KIDINS220: variants seen among roughly 807,000 people sequenced by gnomAD.
KIDINS220 encodes kinase D-interacting substrate of 220 kDa.
KIDINS220 carries 63 observed loss-of-function variants against 157.6 expected under a neutral mutation model. The ratio of observed to expected loss-of-function variants is 0.40; its 90% CI spans 0.33 to 0.49. The LOEUF is 0.49. Ranked by LOEUF, KIDINS220 falls within the 20% of genes least tolerant of loss-of-function variation. KIDINS220 has a pLI of 0.66. For synonymous variants in KIDINS220, 732 were observed against 783.6 expected (o/e 0.93, Z 1.10); for missense variants, 1,772 against 2,171.2 (o/e 0.82, Z 3.65).
chr2:8,730,614 T>C lies in KIDINS220; in HGVS notation c.*106A>G, dbSNP rs1031874658. On this transcript the variant is annotated 3_prime_UTR_variant, in exon 30 of 30. Transcript: ENST00000256707. ...TACCTCGGCCTCATCATCGGTTAGTTATCTGTCAGCAAAATGTAGAAAGGT... is the reference window on the plus strand; with the variant it reads ...TACCTCGGCCTCATCATCGGTTAGTCATCTGTCAGCAAAATGTAGAAAGGT... 1.4e-6 allele frequency: 2 copies of C among 1,466,238 alleles called. No homozygotes were observed. The highest frequency in any genetic ancestry group is 2.7e-5 in the Admixed American group (1 of 37,664). 90.8% of individuals were successfully genotyped at this position (1,466,238 alleles called of 1,614,324 possible). A position where few individuals can be genotyped will look rare whatever the true frequency, so the allele number is the denominator to read the frequency against.
chr2:8,785,829 A>G lies in KIDINS220; in HGVS notation c.2141T>C (p.Val714Ala). Residue 714 changes from valine (V) to alanine (A), a missense_variant, in exon 17 of 30, where the codon GTG becomes GCG. Physicochemically the swap from Val to Ala is moderately conservative, Grantham distance 64. Around this residue, in one of 3 missense-constraint regions of KIDINS220, gnomAD observed 725 missense variants for 1,017.1 expected, o/e 0.71. Transcript: ENST00000256707. ...FVLNCRTWWQ[V>A]LDSLLNSQRK... is the part of the protein sequence containing the mutation. The stretch of plus-strand genomic sequence containing the variant: ...TTGGGAATTCAGGAGCGAGTCCAGC[A>G]CTTGCCACCATGTACGACAGTTCAA... 1 of 1,614,170 alleles carries G rather than the reference A, an allele frequency of 6.2e-7. No homozygotes were observed. Among genetic ancestry groups the G allele is most frequent in the Admixed American group, 1.7e-5 (1 of 60,024 alleles).
At chr2:8,796,572 A>C (rs771713768) in intron 11 of KIDINS220, among the ~76,000 whole-genome samples, 199 bp downstream of exon 11, 7 of 152,142 alleles carry the variant, frequency 4.6e-5, no homozygotes, top group Non-Finnish European at 8.8e-5. Flanking sequence ...GAAAGTCGGA[A>C]GCAGCTGCGT....
At position 8,776,845 on chromosome 2, in the gene KIDINS220, C is replaced by T. The variant is rs201276457; in HGVS notation, c.2751G>A (p.Met917Ile). 78 of 1,614,106 alleles carry T rather than the reference C, an allele frequency of 4.8e-5. No individual in the cohort carries two copies. Among genetic ancestry groups the T allele is most frequent in the Middle Eastern group, 1.6e-4 (1 of 6,062 alleles). ...RQMQRTITRQ[M>I]SFDLTKLLVT... ...CCAGCAGTTTTGTAAGATCAAAGGACATCTGGCGAGTGATGGTCCTCTGCA... is the reference window on the plus strand; with the variant it reads ...CCAGCAGTTTTGTAAGATCAAAGGATATCTGGCGAGTGATGGTCCTCTGCA... The change falls in exon 21 of 30, where the codon ATG becomes ATA. Residue 917 changes from methionine to isoleucine, a missense_variant. Physicochemically the swap from Met to Ile is conservative, Grantham distance 10. Around this residue, in one of 3 missense-constraint regions of KIDINS220, gnomAD observed 725 missense variants for 1,017.1 expected, o/e 0.71. Coordinates refer to ENST00000256707, the MANE Select transcript of KIDINS220 (RefSeq NM_020738.4).
chr2:8,771,365 A>G (rs1238382933), intron 21 of KIDINS220, among the ~76,000 whole-genome samples: 4 of 152,174 alleles, frequency 2.6e-5, no homozygotes, highest in Non-Finnish European at 5.9e-5. Flanking sequence ...AATGTTTCTA[A>G]TATTTATTAT....
chr2:8,831,861 A>G (rs1357577026), intron 1 of KIDINS220, among the ~76,000 whole-genome samples: 2 of 152,276 alleles, frequency 1.3e-5, no homozygotes, highest in Non-Finnish European at 2.9e-5. Flanking sequence ...CAGGATATGA[A>G]GACAAAAATA....
At chr2:8,727,463 T>C (rs752279734), downstream of KIDINS220, among the ~76,000 whole-genome samples, 9 of 152,232 alleles carry the variant, frequency 5.9e-5, no homozygotes, top group Admixed American at 1.3e-4. Flanking sequence ...AATTCAGAGA[T>C]TCCTGGATTT....
intron 22 of KIDINS220, among the ~76,000 whole-genome samples, chr2:8,767,733 A>C (rs1189952904): frequency 6.6e-6 from 1 of 152,230 alleles, no homozygotes; most frequent in African/African-American, 2.4e-5. Context: ...CTTTGGGTGA[A>C]TATCAGGAGA....
In KIDINS220 at chr2:8,731,389, T is replaced by A; in HGVS notation, c.4647A>T (p.Val1549=). Residue 1549 remains valine, a synonymous_variant, in exon 30 of 30, where the codon GTA becomes GTT. Transcript: ENST00000256707. The surrounding 1 kb of genome is among the most constrained non-coding windows in gnomAD (Gnocchi z 5.2). ...GTTCTGGAGACTTCGGCACTCTCTC[T>A]ACTTTCCCTTCGGCTTTTCTGTCTT... ...DDKDRKAEGK[V]ERVPKSPEHS... The A allele has an allele frequency of 6.2e-7, 1 of 1,614,248 alleles. No individual in the cohort carries two copies. Among genetic ancestry groups the A allele is most frequent in the Non-Finnish European group, 8.5e-7 (1 of 1,180,036 alleles).
chr2:8,808,112 A>G (rs148039234), intron 6 of KIDINS220, among the ~76,000 whole-genome samples: 3,315 of 152,030 alleles, frequency 0.022, 130 homozygotes, highest in African/African-American at 0.077. Flanking sequence ...TAACAGAGCA[A>G]GACTCTGTCT....
intron 7 of KIDINS220, 56 bp downstream of exon 7, chr2:8,806,215 C>A: frequency 7.7e-7 from 1 of 1,293,902 alleles, no homozygotes; most frequent in Non-Finnish European, 1.1e-6. Flanking sequence ...TAAATTCTCT[C>A]TCTTAAAATA....
In KIDINS220 at chr2:8,782,384, G is replaced by A. The variant is rs111503815; in HGVS notation, c.2230-2570C>T. Among the ~76,000 whole-genome samples the A allele has an allele frequency of 8.1e-3, 1,239 of 152,158 alleles. 14 individuals are homozygous for A. Among genetic ancestry groups the A allele is most frequent in the African/African-American group, 0.028 (1,150 of 41,532 alleles). ...GCTACCACTTTAGACCTACCTCATGGACAAAAATAGGATAATAAAGGGATA... is the reference window on the plus strand; with the variant it reads ...GCTACCACTTTAGACCTACCTCATGAACAAAAATAGGATAATAAAGGGATA... On this transcript the variant is annotated intron_variant, in intron 17 of 29. Transcript: ENST00000256707.
Position 8,778,973 on chromosome 2 carries a change from C to T in KIDINS220, c.2537G>A (p.Ser846Asn), listed in dbSNP as rs1671338566. The T allele has an allele frequency of 6.2e-7, 1 of 1,613,994 alleles. No individual in the cohort carries two copies. The highest frequency in any genetic ancestry group is 8.5e-7 in the Non-Finnish European group (1 of 1,180,000). Residue 846 changes from serine (S) to asparagine (N), a missense_variant, in exon 19 of 30, where the codon AGT (serine) becomes AAT (asparagine). Transcript: ENST00000256707. ...TTTTCTTGCATTGCTTAGTCCACGA[C>T]TATTAAGGAACACAGGCAAGTGGAC... ...NIVHLPVFLN[S>N]RGLSNARKFL...
chr2:8,729,289 T>C lies in KIDINS220; in HGVS notation c.*1431A>G. On this transcript the variant is annotated 3_prime_UTR_variant, in exon 30 of 30. Transcript: ENST00000256707. Reference sequence around the variant, plus strand: ...CTATTTAGCACAATGACTGGCCCAGTAAATAACTTAATCAGCATATTAATA... The same window carrying C: ...CTATTTAGCACAATGACTGGCCCAGCAAATAACTTAATCAGCATATTAATA... The C allele has an allele frequency of 1.0e-6, 1 of 985,386 alleles. No homozygotes were observed. Among genetic ancestry groups the C allele is most frequent in the Non-Finnish European group, 1.2e-6 (1 of 829,892 alleles). The allele number at this position is 985,386 out of a possible 1,614,324, so 61.0% of individuals were successfully genotyped here.
At chr2:8,827,620 G>A (rs561631568) in intron 1 of KIDINS220, among the ~76,000 whole-genome samples, 23 of 152,046 alleles carry the variant, frequency 1.5e-4, no homozygotes, top group Middle Eastern at 3.4e-3. Flanking sequence ...ACTCACCTGC[G>A]TCACTATCAT....
chr2:8,795,909 CTTCT>C (rs1673847530), intron 11 of KIDINS220, among the ~76,000 whole-genome samples: 1 of 152,274 alleles, frequency 6.6e-6, no homozygotes, highest in East Asian at 1.9e-4. Flanking sequence ...TTTGAAAACT[CTTCT>C]TTGACTTTTT....
rs527988512 is a variant in KIDINS220 at position 8,762,738 on chromosome 2, C to T, written c.3011+7932G>A. ...TGGGCGACAGAGCGAGACCCCATCT[C>T]AAAGAAAAACAAAAAAGAAGAAAAG... is the stretch of plus-strand genomic sequence containing the variant. On this transcript the variant is annotated intron_variant, in intron 22 of 29. Coordinates refer to ENST00000256707, the MANE Select transcript of KIDINS220 (RefSeq NM_020738.4). Among the ~76,000 whole-genome samples, 13 of 150,796 alleles carry T rather than the reference C, an allele frequency of 8.6e-5. No homozygotes were observed. The East Asian group carries it at 2.3e-3, about 27-fold the overall frequency.
intron 15 of KIDINS220, among the ~76,000 whole-genome samples, 172 bp downstream of exon 15, chr2:8,788,475 G>T (rs568115402): frequency 2.2e-4 from 34 of 152,212 alleles, no homozygotes; most frequent in Admixed American, 1.8e-3. Context: ...CACCATGTTG[G>T]CCAGGCTGGT....
chr2:8,818,585 T>C (rs1317568133), intron 3 of KIDINS220, 110 bp downstream of exon 3: 10 of 638,876 alleles, frequency 1.6e-5, no homozygotes, highest in Non-Finnish European at 2.2e-5. Flanking sequence ...CTAGGCAAAG[T>C]TGAAATATAT....
chr2:8,836,232 A>T lies in KIDINS220; in HGVS notation c.-37+1248T>A, dbSNP rs537423079. Among the ~76,000 whole-genome samples the T allele has an allele frequency of 6.6e-5, 10 of 151,820 alleles. 1 individual carries two copies. Among genetic ancestry groups the T allele is most frequent in the Admixed American group, 6.6e-4 (10 of 15,262 alleles). On this transcript the variant is annotated intron_variant, in intron 1 of 29. Coordinates refer to ENST00000256707, the MANE Select transcript of KIDINS220 (RefSeq NM_020738.4). ...AAAAAAAAAAAGCAGGAGAAAGAGC[A>T]GACTTTTCTCTACTTAAGTTATGCC...
Sources: allele counts gnomAD v4.1 joint callset (sites outside exome capture counted in the v4.1 genomes callset), GRCh38; gene constraint gnomAD v4.1.1; regional missense constraint gnomAD v4.1.1; non-coding constraint Gnocchi (gnomAD v3.1); transcripts MANE v1.5; gene names NCBI Gene and HGNC (gene_info 2026-07-23, HGNC 2026-07-21).